The following GRK3 variants were observed in gnomAD, a reference collection of about 807,000 sequenced individuals.
GRK3 encodes the protein G protein-coupled receptor kinase 3.
A neutral mutation model predicts 95.7 loss-of-function variants in GRK3; 54 were observed. That is an observed-to-expected ratio of 0.56 (90% CI 0.45 to 0.71). The LOEUF is 0.71. Ranked by LOEUF, GRK3 falls within the 30% of genes least tolerant of loss-of-function variation. The pLI, the probability that GRK3 is intolerant of heterozygous loss-of-function variation, is 0.00. For missense variants in GRK3, 649 were observed against 851.2 expected, an observed-to-expected ratio of 0.76 and a Z score of 2.96; for synonymous variants, 281 against 290.8, an observed-to-expected ratio of 0.97 and a Z score of 0.34.
At chr22:25,685,326 C>G in intron 10 of GRK3, 78 bp downstream of exon 10, 4 of 1,117,094 alleles carry the variant, frequency 3.6e-6, no homozygotes, top group Non-Finnish European at 4.1e-6. Context: ...TTAATCTAGG[C>G]AGACTGGCAA....
intron 6 of GRK3, among the ~76,000 whole-genome samples, chr22:25,671,458 A>G (rs1333291874): frequency 6.6e-6 from 1 of 152,270 alleles, no homozygotes; most frequent in Non-Finnish European, 1.5e-5. Flanking sequence ...CTCATGGATA[A>G]AGAAAACACT....
At chr22:25,669,436 G>A (rs2084964106) in intron 6 of GRK3, among the ~76,000 whole-genome samples, 1 of 152,192 alleles carries the variant, frequency 6.6e-6, no homozygotes, top group South Asian at 2.1e-4. Flanking sequence ...GACAACGACT[G>A]AGTCAGGAAT....
At chr22:25,616,957 G>A (rs189252181) in intron 2 of GRK3, among the ~76,000 whole-genome samples, 1 of 152,310 alleles carries the variant, frequency 6.6e-6, no homozygotes, top group Non-Finnish European at 1.5e-5. Flanking sequence ...ATTAAGCTAA[G>A]AGCTTTGTCC....
rs557975160 is a variant in GRK3 at position 25,688,486 on chromosome 22, A to G, written c.957+819A>G. ...GTCTATCAGTGAATAGTGGATGCCA[A>G]CCAGCCTGCGGAATTTCTCTCAAAG... On this transcript the variant is annotated intron_variant, in intron 11 of 20. Transcript: ENST00000324198. 2.0e-5 allele frequency among the ~76,000 whole-genome samples: 3 copies of G among 152,288 alleles called. No homozygotes were observed. The South Asian group carries it at 6.2e-4, about 32-fold the overall frequency.
intron 20 of GRK3, 106 bp downstream of exon 20, chr22:25,721,503 A>C: frequency 3.0e-6 from 2 of 677,780 alleles, no homozygotes; most frequent in East Asian, 5.9e-5. Flanking sequence ...TATCACTTAC[A>C]AACTTAGTAA....
intron 15 of GRK3, among the ~76,000 whole-genome samples, chr22:25,706,883 C>T (rs2085303928): frequency 6.6e-6 from 1 of 152,162 alleles, no homozygotes; most frequent in Non-Finnish European, 1.5e-5. Context: ...AGTGCAATGG[C>T]ATGATCATAG....
Position 25,718,359 on chromosome 22 carries a change from G to C in GRK3, c.1769G>C (p.Trp590Ser). ...TACCTCTTTCCAAATAGACTTGAAT[G>C]GAGAGGAGAGGGAGAGTCCCGGGTA... ...YFYLFPNRLE[W>S]RGEGESRQNL... Residue 590 changes from tryptophan (W) to serine (S), a missense_variant, in exon 19 of 21, where the codon TGG becomes TCG. This residue lies in a region of GRK3 where 382 missense variants were observed against 493.8 expected (regional missense o/e 0.77). Coordinates refer to ENST00000324198, the MANE Select transcript of GRK3 (RefSeq NM_005160.4). The C allele has an allele frequency of 6.2e-7, 1 of 1,613,950 alleles. No individual in the cohort carries two copies. Among genetic ancestry groups the C allele is most frequent in the Non-Finnish European group, 8.5e-7 (1 of 1,179,890 alleles).
rs1447416376 is a variant in GRK3 at position 25,597,757 on chromosome 22, A to C, written c.114-6620A>C. On this transcript the variant is annotated intron_variant, in intron 1 of 20. Coordinates refer to ENST00000324198, the MANE Select transcript of GRK3 (RefSeq NM_005160.4). ...ACAAAATGTATGTACAGAGGAATAA[A>C]GATAAAAATTATAGCACAATTCTTA... Among the ~76,000 whole-genome samples, 5 of 152,352 alleles carry C rather than the reference A, an allele frequency of 3.3e-5. No individual in the cohort carries two copies. In the South Asian group the frequency reaches 6.2e-4, roughly 19 times the overall value.
intron 2 of GRK3, among the ~76,000 whole-genome samples, chr22:25,614,658 C>G (rs2084524639): frequency 6.6e-6 from 1 of 152,104 alleles, no homozygotes; most frequent in Non-Finnish European, 1.5e-5. Flanking sequence ...GCTTTTTCTG[C>G]CTATAACCAG....
intron 3 of GRK3, among the ~76,000 whole-genome samples, chr22:25,660,486 G>A (rs2084902431): frequency 1.3e-5 from 2 of 152,174 alleles, no homozygotes; most frequent in East Asian, 3.8e-4. Context: ...AGATGTTCCT[G>A]GGAATTTCTC....
chr22:25,722,444 C>T lies in GRK3; in HGVS notation c.2061C>T (p.Gly687=), dbSNP rs766923383. The T allele has an allele frequency of 5.3e-5, 86 of 1,613,914 alleles. No homozygotes were observed. The Admixed American group carries it at 1.1e-3, about 22-fold the overall frequency. ...CCCTCTGTCACAGAAACAGCAACGG[C>T]CTCTAGCACCCAGAAACAGGGAGGG... The part of the protein sequence containing the change: ...KPSLCHRNSN[G]L Residue 687 remains glycine (G), a synonymous_variant, in exon 21 of 21, where the codon GGC becomes GGT. Transcript: ENST00000324198.
chr22:25,675,655 C>T (rs1034289386), intron 8 of GRK3, among the ~76,000 whole-genome samples: 5 of 152,170 alleles, frequency 3.3e-5, no homozygotes, highest in African/African-American at 7.2e-5. Flanking sequence ...GTGTTTGAGG[C>T]CCCCTAATTC....
chr22:25,692,501 C>T (rs202040170), intron 12 of GRK3, among the ~76,000 whole-genome samples: 1 of 152,216 alleles, frequency 6.6e-6, no homozygotes, highest in East Asian at 1.9e-4. Flanking sequence ...CTGGCGATGC[C>T]ACGGTAAGAC....
intron 5 of GRK3, among the ~76,000 whole-genome samples, chr22:25,665,987 C>A (rs368752943): frequency 1.6e-4 from 25 of 152,274 alleles, no homozygotes; most frequent in African/African-American, 5.5e-4. Flanking sequence ...CTGAATCTTA[C>A]CGAATTCTCA....
chr22:25,649,265 C>G, intron 3 of GRK3: 2 of 1,023,412 alleles, frequency 2.0e-6, no homozygotes, highest in South Asian at 2.6e-5. Context: ...ATGCTCACAT[C>G]TGCCAAAATG....
intron 3 of GRK3, among the ~76,000 whole-genome samples, chr22:25,653,638 T>G (rs1345894459): frequency 1.3e-5 from 2 of 152,180 alleles, no homozygotes; most frequent in East Asian, 1.9e-4. Flanking sequence ...AATAAAATGA[T>G]GAGTAAATTT....
At chr22:25,651,914 G>A (rs182120632) in intron 3 of GRK3, among the ~76,000 whole-genome samples, 406 of 152,260 alleles carry the variant, frequency 2.7e-3, no homozygotes, top group African/African-American at 9.3e-3. Flanking sequence ...AAAAAAGGAA[G>A]TTAGCAAAAA....
chr22:25,647,489 C>G, intron 3 of GRK3: 7 of 1,387,382 alleles, frequency 5.0e-6, no homozygotes, highest in African/African-American at 1.4e-5. Context: ...TGGGCATCTT[C>G]CTCATTCTCA....
At chr22:25,640,071 T>C (rs1228441398) in intron 2 of GRK3, among the ~76,000 whole-genome samples, 1 of 152,206 alleles carries the variant, frequency 6.6e-6, no homozygotes, top group Non-Finnish European at 1.5e-5. Context: ...TAGATAGGAT[T>C]TGCCAGGTAG....
Sources: allele counts gnomAD v4.1 joint callset (sites outside exome capture counted in the v4.1 genomes callset), GRCh38; gene constraint gnomAD v4.1.1; regional missense constraint gnomAD v4.1.1; transcripts MANE v1.5; gene names NCBI Gene and HGNC (gene_info 2026-07-23, HGNC 2026-07-21).